Variants in CDH8 observed in about 807,000 individuals in gnomAD.
CDH8 encodes the protein cadherin 8.
Under a neutral mutation model 68.1 loss-of-function variants are expected in CDH8, and 17 were observed. That is an observed-to-expected ratio of 0.25 (90% CI 0.17 to 0.37). The LOEUF (loss-of-function observed/expected upper bound fraction) is 0.37, where lower values mean the gene tolerates loss of function less well. Among genes scored for constraint, CDH8 ranks in the 10% least tolerant of loss-of-function variants. The probability of loss-of-function intolerance (pLI) is 1.00; values close to 1 mark genes in which losing one functional copy is unlikely to be tolerated. For synonymous variants in CDH8, 372 were observed against 365.1 expected (o/e 1.02, Z -0.21); for missense variants, 763 against 999.3 (o/e 0.76, Z 3.19).
Position 61,923,289 on chromosome 16 carries a change from C to T in CDH8, c.253-21816G>A, listed in dbSNP as rs565357685. 7.2e-5 allele frequency among the ~76,000 whole-genome samples: 11 copies of T among 152,166 alleles called. 1 individual carries two copies. The highest frequency in any genetic ancestry group is 2.6e-4 in the African/African-American group (11 of 41,518). On this transcript the variant is annotated intron_variant, in intron 2 of 11. Transcript: ENST00000577390. ...CCAAATTCAACTCCTTTCATTCCAC[C>T]GTCGGTCAGACACTCAATAAGTATT...
At chr16:61,885,763 C>A (rs1963661382) in intron 3 of CDH8, among the ~76,000 whole-genome samples, 1 of 148,916 alleles carries the variant, frequency 6.7e-6, no homozygotes, top group African/African-American at 2.5e-5. Flanking sequence ...TCCGATTATT[C>A]TGTCAAGGTG....
intron 9 of CDH8, among the ~76,000 whole-genome samples, chr16:61,719,128 A>ATTTT (rs34234878): frequency 2.9e-5 from 4 of 139,558 alleles, no homozygotes; most frequent in African/African-American, 5.3e-5. Context: ...TGAGCTCACC[A>ATTTT]TTTTTTTTTT....
At chr16:61,709,160 GC>G (rs1402259836) in intron 10 of CDH8, among the ~76,000 whole-genome samples, 2 of 151,998 alleles carry the variant, frequency 1.3e-5, no homozygotes, top group East Asian at 3.9e-4. Flanking sequence ...TTTTAGGAAA[GC>G]CTTCTGTTGG....
intron 7 of CDH8, among the ~76,000 whole-genome samples, chr16:61,791,820 A>C (rs1961386483): frequency 1.3e-5 from 2 of 152,036 alleles, no homozygotes; most frequent in South Asian, 4.1e-4. Context: ...ATCATGCAGA[A>C]CTCAAATTTA....
chr16:61,994,896 A>G (rs1387302830), intron 2 of CDH8, among the ~76,000 whole-genome samples: 1 of 152,208 alleles, frequency 6.6e-6, no homozygotes, highest in Non-Finnish European at 1.5e-5. Context: ...AAACAGCAAA[A>G]TATCACCACT....
At chr16:61,699,411 T>A (rs1270859592) in intron 10 of CDH8, among the ~76,000 whole-genome samples, 1 of 152,228 alleles carries the variant, frequency 6.6e-6, no homozygotes, top group East Asian at 1.9e-4. Context: ...CTTCATTTAC[T>A]TTTAAAGACA....
chr16:61,860,891 G>C (rs1597024271), intron 3 of CDH8, among the ~76,000 whole-genome samples: 1 of 152,194 alleles, frequency 6.6e-6, no homozygotes, highest in East Asian at 1.9e-4. Flanking sequence ...TTTGGTCAGA[G>C]TAGTATGGGG....
intron 8 of CDH8, among the ~76,000 whole-genome samples, chr16:61,740,571 C>T (rs1959843744): frequency 6.6e-6 from 1 of 152,110 alleles, no homozygotes; most frequent in Non-Finnish European, 1.5e-5. Context: ...CATTATCTCC[C>T]TCAAGATAAC....
At chr16:61,911,293 A>G (rs1036508865) in intron 2 of CDH8, among the ~76,000 whole-genome samples, 1 of 152,142 alleles carries the variant, frequency 6.6e-6, no homozygotes, top group African/African-American at 2.4e-5. Flanking sequence ...TGAAGGGCAT[A>G]GTAATAAAGC....
chr16:61,684,740 A>AG (rs1181785804), intron 10 of CDH8, among the ~76,000 whole-genome samples: 2 of 151,992 alleles, frequency 1.3e-5, no homozygotes, highest in African/African-American at 4.8e-5. Flanking sequence ...GGCTGGGTTA[A>AG]GCTAATGGGA....
At chr16:61,658,140 C>A (rs1324841704) in intron 10 of CDH8, among the ~76,000 whole-genome samples, 2 of 151,726 alleles carry the variant, frequency 1.3e-5, no homozygotes, top group African/African-American at 4.8e-5. Flanking sequence ...TTTCAATTTA[C>A]TTGAGTTCTT....
rs1053563183 is a variant in CDH8, at chr16:61,907,629, T to G, written c.253-6156A>C. ...TGGGTGTCAAGGCTGCAGTAAGCCA[T>G]GATTGCACCACTGCACTCCAACCTA... On this transcript the variant is annotated intron_variant, in intron 2 of 11. Coordinates refer to ENST00000577390, the MANE Select transcript of CDH8 (RefSeq NM_001796.5). Among the ~76,000 whole-genome samples, 3 of 150,582 alleles carry G rather than the reference T, an allele frequency of 2.0e-5. No individual in the cohort carries two copies. The East Asian group carries it at 5.9e-4, about 30-fold the overall frequency.
intron 2 of CDH8, among the ~76,000 whole-genome samples, chr16:62,007,254 G>A (rs1965990719): frequency 6.6e-6 from 1 of 152,052 alleles, no homozygotes; most frequent in African/African-American, 2.4e-5. Context: ...ACTGTCCAAG[G>A]GCTTACCCAT....
intron 10 of CDH8, among the ~76,000 whole-genome samples, chr16:61,659,218 G>A (rs1430291791): frequency 6.6e-6 from 1 of 152,128 alleles, no homozygotes; most frequent in Non-Finnish European, 1.5e-5. Flanking sequence ...AAAGATTCTG[G>A]AAATGGATCT....
At chr16:61,745,782 T>C (rs1181611679) in intron 8 of CDH8, among the ~76,000 whole-genome samples, 2 of 152,066 alleles carry the variant, frequency 1.3e-5, no homozygotes, top group South Asian at 2.1e-4. Flanking sequence ...TAACTATATA[T>C]ATTCTTAGTT....
chr16:62,028,098 C>T (rs1312011655), intron 1 of CDH8, among the ~76,000 whole-genome samples: 1 of 128,562 alleles, frequency 7.8e-6, no homozygotes, highest in Non-Finnish European at 1.6e-5. Context: ...GAGTTTCACT[C>T]TTGTTGCCCA....
At chr16:61,661,814 T>C (rs1963563074) in intron 10 of CDH8, among the ~76,000 whole-genome samples, 1 of 151,708 alleles carries the variant, frequency 6.6e-6, no homozygotes, top group South Asian at 2.1e-4. Flanking sequence ...TAGTCACACA[T>C]TCTCTGCAAA....
intron 8 of CDH8, among the ~76,000 whole-genome samples, chr16:61,762,018 A>G (rs757518144): frequency 2.6e-5 from 4 of 152,148 alleles, no homozygotes; most frequent in Non-Finnish European, 5.9e-5. Context: ...AAGTAAAAAG[A>G]AAAGGATAAA....
intron 3 of CDH8, among the ~76,000 whole-genome samples, chr16:61,858,453 G>A (rs1370135322): frequency 1.3e-5 from 2 of 152,162 alleles, no homozygotes; most frequent in African/African-American, 4.8e-5. Flanking sequence ...GTGAGGTCAG[G>A]GCCAATGTCT....
Sources: allele counts gnomAD v4.1 joint callset (sites outside exome capture counted in the v4.1 genomes callset), GRCh38; gene constraint gnomAD v4.1.1; transcripts MANE v1.5; gene names NCBI Gene and HGNC (gene_info 2026-07-23, HGNC 2026-07-21).